PCDH7: variants seen among roughly 807,000 people sequenced by gnomAD.
The protein encoded by PCDH7 is protocadherin 7.
In PCDH7, 17 loss-of-function variants were observed where a neutral mutation model predicts 58.9. That is an observed-to-expected ratio of 0.29 (90% CI 0.20 to 0.43). The LOEUF (loss-of-function observed/expected upper bound fraction) is 0.43. Ranked by LOEUF, PCDH7 falls within the 20% of genes least tolerant of loss-of-function variation. The pLI, the probability that PCDH7 is intolerant of heterozygous loss-of-function variation, is 1.00. For synonymous variants in PCDH7, 664 were observed against 616.4 expected, an observed-to-expected ratio of 1.08 and a Z score of -1.14; for missense variants, 1,274 against 1,441.0, an observed-to-expected ratio of 0.88 and a Z score of 1.88.
At chr4:31,061,014 C>G (rs994573064) in intron 3 of PCDH7, among the ~76,000 whole-genome samples, 2 of 151,654 alleles carry the variant, frequency 1.3e-5, no homozygotes, top group Admixed American at 1.3e-4. Context: ...TCGTTTCTGT[C>G]AAGATCTCTT....
chr4:30,913,476 G>A (rs1046857521), intron 1 of PCDH7, among the ~76,000 whole-genome samples: 5 of 152,038 alleles, frequency 3.3e-5, no homozygotes, highest in African/African-American at 1.2e-4. Context: ...TGAACTCTCT[G>A]TGTGGAGAGC....
At chr4:30,858,344 C>T (rs570144135) in intron 1 of PCDH7, among the ~76,000 whole-genome samples, 5 of 152,230 alleles carry the variant, frequency 3.3e-5, no homozygotes, top group South Asian at 2.1e-4. Context: ...TCCATCCTTA[C>T]GGATTTGTGA....
At chr4:31,007,841 T>A (rs1752896071) in intron 3 of PCDH7, among the ~76,000 whole-genome samples, 1 of 152,178 alleles carries the variant, frequency 6.6e-6, no homozygotes, top group South Asian at 2.1e-4. Flanking sequence ...AAGACAACCA[T>A]GTTGTGATTA....
chr4:31,051,973 C>A (rs902318436), intron 3 of PCDH7, among the ~76,000 whole-genome samples: 1 of 152,026 alleles, frequency 6.6e-6, no homozygotes, highest in African/African-American at 2.4e-5. Context: ...TTCTGACGGA[C>A]TATTTTTCTG....
intron 3 of PCDH7, among the ~76,000 whole-genome samples, chr4:31,036,207 A>G (rs536960382): frequency 6.6e-6 from 1 of 152,196 alleles, no homozygotes; most frequent in Admixed American, 6.5e-5. Flanking sequence ...TATTTTTGAG[A>G]TGGAGTTTCA....
chr4:31,130,476 A>G (rs1041606378), intron 3 of PCDH7, among the ~76,000 whole-genome samples: 3 of 152,208 alleles, frequency 2.0e-5, no homozygotes, highest in African/African-American at 7.2e-5. Context: ...CAAAGCACAA[A>G]TGCAGCAAGT....
chr4:31,063,295 A>C (rs1249636112), intron 3 of PCDH7, among the ~76,000 whole-genome samples: 1 of 151,898 alleles, frequency 6.6e-6, no homozygotes, highest in South Asian at 2.1e-4. Context: ...ACTTTAATAC[A>C]TGCAGGTATA....
intron 1 of PCDH7, among the ~76,000 whole-genome samples, chr4:30,863,859 C>A (rs1217239038): frequency 6.6e-6 from 1 of 152,074 alleles, no homozygotes; most frequent in Non-Finnish European, 1.5e-5. Flanking sequence ...GCAGAAATAT[C>A]AACATAAATG....
At chr4:30,964,246 A>ATTTTT (rs1403767312) in intron 3 of PCDH7, among the ~76,000 whole-genome samples, 1 of 48,998 alleles carries the variant, frequency 2.0e-5, no homozygotes, top group Admixed American at 1.9e-4. Context: ...TTATTTATTT[A>ATTTTT]TTTATTTTTT....
intron 1 of PCDH7, among the ~76,000 whole-genome samples, chr4:30,763,057 A>G (rs1251911503): frequency 6.6e-6 from 1 of 152,174 alleles, no homozygotes; most frequent in Non-Finnish European, 1.5e-5. Flanking sequence ...AGCCTGGCCA[A>G]CATGGTGAAA....
intron 3 of PCDH7, among the ~76,000 whole-genome samples, chr4:31,027,499 T>C (rs1255807647): frequency 1.3e-5 from 2 of 152,158 alleles, no homozygotes; most frequent in African/African-American, 4.8e-5. Flanking sequence ...CTCAGCTCAC[T>C]GCAACCTCCG....
Position 31,005,483 on chromosome 4 carries a change from T to C in PCDH7, c.*7+55268T>C, listed in dbSNP as rs1313792623. Among the ~76,000 whole-genome samples, 6 of 152,252 alleles carry C rather than the reference T, an allele frequency of 3.9e-5. No individual in the cohort carries two copies. In the South Asian group the frequency reaches 1.0e-3, roughly 26 times the overall value. ...ATCAGCTGGAAAGGGAGAAACCAGG[T>C]TGGAAATAGGTTTCATGTGTGAAAA... On this transcript the variant is annotated intron_variant, in intron 3 of 3. Transcript: ENST00000509759.
chr4:31,112,874 T>C (rs1431592559), intron 3 of PCDH7, among the ~76,000 whole-genome samples: 1 of 152,174 alleles, frequency 6.6e-6, no homozygotes, highest in Non-Finnish European at 1.5e-5. Context: ...GAGTATTTAG[T>C]AGAGAGGAGG....
chr4:31,021,061 TG>T (rs1256124987), intron 3 of PCDH7, among the ~76,000 whole-genome samples: 1 of 152,248 alleles, frequency 6.6e-6, no homozygotes, highest in Non-Finnish European at 1.5e-5. Context: ...GAGAAATATG[TG>T]GACCAACGAA....
At chr4:30,801,999 C>T (rs935907687) in intron 1 of PCDH7, among the ~76,000 whole-genome samples, 4 of 152,052 alleles carry the variant, frequency 2.6e-5, no homozygotes, top group African/African-American at 7.3e-5. Flanking sequence ...GGCTAAATTC[C>T]GTGGGTGAAA....
chr4:31,080,907 T>C (rs934686937), intron 3 of PCDH7, among the ~76,000 whole-genome samples: 3 of 152,166 alleles, frequency 2.0e-5, no homozygotes, highest in South Asian at 2.1e-4. Flanking sequence ...TCCCATGAGA[T>C]GTGATGATTT....
At chr4:30,786,086 C>A (rs1723356747) in intron 1 of PCDH7, among the ~76,000 whole-genome samples, 1 of 151,988 alleles carries the variant, frequency 6.6e-6, no homozygotes. Flanking sequence ...TTTTTCCAAA[C>A]TAGAAACAAA....
intron 1 of PCDH7, among the ~76,000 whole-genome samples, chr4:30,810,466 A>G (rs1726831223): frequency 6.6e-6 from 1 of 151,988 alleles, no homozygotes; most frequent in African/African-American, 2.4e-5. Context: ...TTGGAAATAA[A>G]TGGTAAAATA....
chr4:30,960,190 C>T (rs1425944222), intron 3 of PCDH7, among the ~76,000 whole-genome samples: 2 of 122,322 alleles, frequency 1.6e-5, no homozygotes, highest in African/African-American at 7.1e-5. Context: ...AGATTTCCTA[C>T]TGATTTATAA....
Sources: gnomAD v4.1 joint callset for allele counts (sites outside exome capture counted in the v4.1 genomes callset) on GRCh38, gnomAD v4.1.1 for gene constraint, MANE v1.5 for transcripts, NCBI Gene and HGNC (gene_info 2026-07-23, HGNC 2026-07-21) for gene names.